The following CRB2 variants were observed in gnomAD, a reference collection of about 807,000 sequenced individuals.
CRB2 encodes crumbs cell polarity complex component 2, also known as protein crumbs homolog 2.
CRB2 carries 85 observed loss-of-function variants against 110.9 expected under a neutral mutation model. The ratio of observed to expected loss-of-function variants is 0.77; its 90% confidence interval spans 0.64 to 0.92. CRB2 has a LOEUF of 0.92. CRB2 is among the 40% of genes least tolerant of loss of function. The pLI is 0.00. For missense variants in CRB2, 1,843 were observed against 1,851.3 expected, an observed-to-expected ratio of 1.00 and a Z score of 0.08; for synonymous variants, 907 against 831.0, an observed-to-expected ratio of 1.09 and a Z score of -1.57.
chr9:123,367,317 T>C lies in CRB2; in HGVS notation c.900T>C (p.His300=), dbSNP rs1382030861. ...AAFPGAFSFR[H]AAGFLCHCPP... ...TCCCTGGCGCCTTCAGCTTCCGCCA[T>C]GCTGCGGGTTTCCTGTGCCACTGCC... is the stretch of plus-strand genomic sequence containing the variant. The change falls in exon 5 of 13, where the codon CAT becomes CAC. Residue 300 remains histidine, a synonymous_variant. Transcript: ENST00000373631. 4.4e-6 allele frequency: 7 copies of C among 1,604,442 alleles called. No homozygotes were observed. The highest frequency in any genetic ancestry group is 5.9e-6 in the Non-Finnish European group (7 of 1,179,598).
intron 6 of CRB2, chr9:123,368,931 C>T (rs1356612901): frequency 4.8e-6 from 6 of 1,248,668 alleles, no homozygotes; most frequent in Non-Finnish European, 6.2e-6. Context: ...CCTGGGCCAC[C>T]TGTGGCTCCT....
intron 1 of CRB2, among the ~76,000 whole-genome samples, chr9:123,357,503 C>T (rs575990368): frequency 6.6e-6 from 1 of 152,078 alleles, no homozygotes; most frequent in African/African-American, 2.4e-5. Context: ...CTCTATGGGG[C>T]CCTAGGGAGG....
chr9:123,379,133 T>C (rs2042160395), downstream of CRB2, among the ~76,000 whole-genome samples: 1 of 151,550 alleles, frequency 6.6e-6, no homozygotes, highest in Admixed American at 6.6e-5. Context: ...AGCCTGTCAG[T>C]CAGTCAGTCC....
chr9:123,372,863 T>C (rs1487343401), intron 9 of CRB2, among the ~76,000 whole-genome samples: 1 of 152,232 alleles, frequency 6.6e-6, no homozygotes, highest in African/African-American at 2.4e-5. Context: ...CAGGAGTTGC[T>C]GTTGCCTGGC....
intron 2 of CRB2, 48 bp from the exon 3 acceptor site, chr9:123,365,869 T>A: frequency 6.6e-7 from 1 of 1,508,438 alleles, no homozygotes; most frequent in Non-Finnish European, 8.9e-7. Context: ...TCTTCCGCCC[T>A]GCTCTGGGTG....
chr9:123,368,634 C>T, intron 6 of CRB2: 1 of 277,396 alleles, frequency 3.6e-6, no homozygotes, highest in African/African-American at 2.3e-5. Context: ...GCTCCTCTCC[C>T]AGTTGAGCTC....
At chr9:123,372,479 C>G (rs577578685) in intron 9 of CRB2, 137 bp downstream of exon 9, 1 of 1,117,830 alleles carries the variant, frequency 8.9e-7, no homozygotes, top group East Asian at 2.6e-5. Flanking sequence ...GCGGGGCCAC[C>G]GCATGTAGAG....
intron 1 of CRB2, among the ~76,000 whole-genome samples, chr9:123,358,913 G>A (rs1380802343): frequency 6.6e-6 from 1 of 152,226 alleles, no homozygotes; most frequent in African/African-American, 2.4e-5. Context: ...TTAGATGGAA[G>A]CCCATGAATA....
At chr9:123,359,431 T>TTTTTG (rs1158769454) in intron 1 of CRB2, among the ~76,000 whole-genome samples, 5 of 93,886 alleles carry the variant, frequency 5.3e-5, no homozygotes, top group East Asian at 7.0e-4. Flanking sequence ...TGGTTTTTCG[T>TTTTTG]TTTTGTTTTG....
chr9:123,377,081 A>C lies in CRB2; in HGVS notation c.*19A>C. ...CATCTAGGCCAGCCTGGCTGCTGGC[A>C]CCAGCACCTGGAGGTCCTGAATGGT... On this transcript the variant is annotated 3_prime_UTR_variant, in exon 13 of 13. Transcript: ENST00000373631. 1 of 1,517,658 alleles carries C rather than the reference A, an allele frequency of 6.6e-7. No homozygotes were observed. The highest frequency in any genetic ancestry group is 8.8e-7 in the Non-Finnish European group (1 of 1,130,174). 94.0% of individuals were successfully genotyped at this position (1,517,658 alleles called of 1,614,324 possible).
intron 3 of CRB2, 50 bp downstream of exon 3, chr9:123,366,162 G>C: frequency 7.3e-7 from 1 of 1,378,176 alleles, no homozygotes. Context: ...CCCGAGGGCG[G>C]GGAGGCCAGG....
intron 1 of CRB2, among the ~76,000 whole-genome samples, chr9:123,362,245 G>A (rs1164142693): frequency 1.3e-5 from 2 of 152,280 alleles, no homozygotes; most frequent in Middle Eastern, 6.8e-3. Context: ...CAGAGGTTGA[G>A]GTCGGGCCCA....
Position 123,370,414 on chromosome 9 carries a change from C to A in CRB2, c.1361C>A (p.Pro454Gln). The change falls in exon 7 of 13, where the codon CCA becomes CAA. Residue 454 changes from proline (P) to glutamine (Q), a missense_variant. Pro to Gln is a moderately conservative substitution (Grantham distance 76). Coordinates refer to ENST00000373631, the MANE Select transcript of CRB2 (RefSeq NM_173689.7). ...MAGSPIQASV[P>Q]AGGPLGLALR... ...GGGAGCCCCATTCAGGCATCAGTGC[C>A]AGCTGGTGGCCCCCTGGGTCTGGCA... The A allele has an allele frequency of 6.2e-7, 1 of 1,613,604 alleles. No homozygotes were observed. Among genetic ancestry groups the A allele is most frequent in the Non-Finnish European group, 8.5e-7 (1 of 1,180,032 alleles).
At chr9:123,375,157 C>G in intron 11 of CRB2, 60 bp from the exon 12 acceptor site, 1 of 1,606,624 alleles carries the variant, frequency 6.2e-7, no homozygotes, top group Non-Finnish European at 8.5e-7. Context: ...AGCAGAGCAG[C>G]TGGGAGCACA....
Position 123,370,419 on chromosome 9 carries a change from G to C in CRB2, c.1366G>C (p.Gly456Arg), listed in dbSNP as rs140903037. ...CCCCATTCAGGCATCAGTGCCAGCT[G>C]GTGGCCCCCTGGGTCTGGCACTGAG... ...GSPIQASVPAGGPLGLALRFR... is the reference protein window; with the variant it reads ...GSPIQASVPARGPLGLALRFR... The change falls in exon 7 of 13, where the codon GGT (glycine) becomes CGT (arginine). Residue 456 changes from glycine to arginine, a missense_variant. Gly to Arg is a moderately radical substitution (Grantham distance 125). Coordinates refer to ENST00000373631, the MANE Select transcript of CRB2 (RefSeq NM_173689.7). 7.0e-5 allele frequency: 113 copies of C among 1,613,582 alleles called. No individual in the cohort carries two copies. The highest frequency in any genetic ancestry group is 6.0e-4 in the African/African-American group (45 of 75,042).
Position 123,370,192 on chromosome 9 carries a change from A to G in CRB2, c.1139A>G (p.Tyr380Cys), listed in dbSNP as rs202196753. 5.0e-5 allele frequency: 80 copies of G among 1,612,902 alleles called. No homozygotes were observed. Among genetic ancestry groups the G allele is most frequent in the Non-Finnish European group, 1.8e-5 (21 of 1,179,876 alleles). Residue 380 changes from tyrosine to cysteine, a missense_variant, in exon 7 of 13, where the codon TAT (tyrosine) becomes TGT (cysteine). Coordinates refer to ENST00000373631, the MANE Select transcript of CRB2 (RefSeq NM_173689.7). ...GGTCSDTVAG[Y>C]ICRCPETWGG... ...ACCTGCAGTGACACTGTGGCAGGCT[A>G]TATCTGCAGGTGCCCAGAGACCTGG...
chr9:123,374,161 C>G (rs910207249), intron 10 of CRB2: 5 of 666,568 alleles, frequency 7.5e-6, no homozygotes, highest in African/African-American at 1.8e-5. Flanking sequence ...AGCCGCCTGC[C>G]GCTTACACGG....
Position 123,367,340 on chromosome 9 carries a change from G to A in CRB2, c.923G>A (p.Cys308Tyr). ...CATGCTGCGGGTTTCCTGTGCCACT[G>A]CCCTCCTGGCTTTGAGGGTGAGCCC... ...FRHAAGFLCH[C>Y]PPGFEGADCG... Residue 308 changes from cysteine (C) to tyrosine (Y), a missense_variant, in exon 5 of 13, where the codon TGC (cysteine) becomes TAC (tyrosine). Physicochemically the swap from Cys to Tyr is radical, Grantham distance 194. Transcript: ENST00000373631. The A allele has an allele frequency of 1.9e-6, 3 of 1,602,486 alleles. No homozygotes were observed. Among genetic ancestry groups the A allele is most frequent in the Non-Finnish European group, 2.5e-6 (3 of 1,179,538 alleles).
At position 123,358,769 on chromosome 9, in the gene CRB2, C is replaced by T. The variant is rs146257554; in HGVS notation, c.94+2415C>T. Among the ~76,000 whole-genome samples, 465 of 152,346 alleles carry T rather than the reference C, an allele frequency of 3.1e-3. 2 individuals carry two copies. The highest frequency in any genetic ancestry group is 0.011 in the African/African-American group (448 of 41,594). On this transcript the variant is annotated intron_variant, in intron 1 of 12. Transcript: ENST00000373631. ...TGTGCTACTTGCCTAGGCAAAGTCACGTCTCTTCTCTGTCTCTACAAAACG... is the reference window on the plus strand; with the variant it reads ...TGTGCTACTTGCCTAGGCAAAGTCATGTCTCTTCTCTGTCTCTACAAAACG...
Sources: allele counts gnomAD v4.1 joint callset (sites outside exome capture counted in the v4.1 genomes callset), GRCh38; gene constraint gnomAD v4.1.1; transcripts MANE v1.5; gene names NCBI Gene and HGNC (gene_info 2026-07-23, HGNC 2026-07-21).